Variants in FSTL5 observed in about 807,000 individuals in gnomAD.
FSTL5 encodes the protein follistatin like 5.
In FSTL5, 62 loss-of-function variants were observed where a neutral mutation model predicts 89.1. That is an observed-to-expected ratio of 0.70 (90% CI 0.57 to 0.86). The LOEUF (loss-of-function observed/expected upper bound fraction) is 0.86, where lower values mean the gene tolerates loss of function less well. Ranked by LOEUF, FSTL5 falls within the 40% of genes least tolerant of loss-of-function variation. The probability of loss-of-function intolerance (pLI) is 0.00; values close to 1 mark genes in which losing one functional copy is unlikely to be tolerated. For missense variants in FSTL5, 1,057 were observed against 1,001.6 expected (o/e 1.06, Z -0.75); for synonymous variants, 383 against 346.2 (o/e 1.11, Z -1.18).
intron 8 of FSTL5, among the ~76,000 whole-genome samples, chr4:161,581,927 C>G (rs1286041911): frequency 1.3e-5 from 2 of 152,150 alleles, no homozygotes; most frequent in Non-Finnish European, 1.5e-5. Flanking sequence ...ATCATAAGAT[C>G]TAAAGACGAT....
At chr4:161,994,953 C>G (rs1419140583) in intron 3 of FSTL5, among the ~76,000 whole-genome samples, 1 of 152,132 alleles carries the variant, frequency 6.6e-6, no homozygotes, top group East Asian at 1.9e-4. Flanking sequence ...ATTTGAAATA[C>G]TTGTCCATTC....
chr4:162,147,033 C>A (rs1477384751), intron 1 of FSTL5, among the ~76,000 whole-genome samples: 1 of 151,994 alleles, frequency 6.6e-6, no homozygotes, highest in African/African-American at 2.4e-5. Flanking sequence ...CTGCCCCCCT[C>A]GGCCTCCCAA....
chr4:161,564,430 C>T (rs1050816691), intron 8 of FSTL5, among the ~76,000 whole-genome samples: 2 of 150,816 alleles, frequency 1.3e-5, no homozygotes, highest in African/African-American at 4.9e-5. Flanking sequence ...GATGGCACTA[C>T]TATTTACCAT....
At chr4:161,415,983 A>C (rs1012145413) in intron 15 of FSTL5, among the ~76,000 whole-genome samples, 1 of 152,002 alleles carries the variant, frequency 6.6e-6, no homozygotes, top group Non-Finnish European at 1.5e-5. Flanking sequence ...CATATGGAGA[A>C]ATATTTCAGC....
At chr4:161,648,798 C>T (rs2126675878) in intron 7 of FSTL5, among the ~76,000 whole-genome samples, 1 of 152,280 alleles carries the variant, frequency 6.6e-6, no homozygotes, top group South Asian at 2.1e-4. Context: ...AGCTGTCTGT[C>T]TTATGGTATT....
intron 11 of FSTL5, among the ~76,000 whole-genome samples, chr4:161,509,366 A>T (rs1730584208): frequency 6.6e-6 from 1 of 152,144 alleles, no homozygotes; most frequent in Non-Finnish European, 1.5e-5. Flanking sequence ...TTAACGAGTG[A>T]ATTATGTACA....
At chr4:161,394,702 T>C (rs1441037080) in intron 15 of FSTL5, among the ~76,000 whole-genome samples, 1 of 152,234 alleles carries the variant, frequency 6.6e-6, no homozygotes, top group Non-Finnish European at 1.5e-5. Context: ...GAGTAATTAT[T>C]GCTTACCAGA....
chr4:162,139,108 G>A (rs1045098179), intron 1 of FSTL5, among the ~76,000 whole-genome samples: 5 of 151,716 alleles, frequency 3.3e-5, no homozygotes, highest in Admixed American at 1.3e-4. Flanking sequence ...TTTACATTCT[G>A]GGGTACATGT....
chr4:161,817,753 G>T (rs1730371813), intron 4 of FSTL5, among the ~76,000 whole-genome samples: 3 of 152,182 alleles, frequency 2.0e-5, no homozygotes, highest in Admixed American at 2.0e-4. Context: ...TGTATTTTCA[G>T]ATTAAAATAT....
intron 8 of FSTL5, among the ~76,000 whole-genome samples, chr4:161,572,691 T>TGC (rs1327957122): frequency 6.6e-6 from 1 of 152,160 alleles, no homozygotes; most frequent in African/African-American, 2.4e-5. Flanking sequence ...TAACAAGTAG[T>TGC]GCACAGACTG....
intron 1 of FSTL5, among the ~76,000 whole-genome samples, chr4:162,162,628 G>A (rs1410529189): frequency 1.3e-5 from 2 of 152,176 alleles, no homozygotes; most frequent in Non-Finnish European, 1.5e-5. Flanking sequence ...TGCTCACTAT[G>A]AGAAGTATTG....
At chr4:161,526,004 G>C (rs575008397) in intron 10 of FSTL5, among the ~76,000 whole-genome samples, 2 of 151,942 alleles carry the variant, frequency 1.3e-5, no homozygotes, top group Admixed American at 6.6e-5. Flanking sequence ...CTAGTTTTGT[G>C]GGGGTTGACT....
chr4:161,695,227 G>C (rs981099499), intron 6 of FSTL5, among the ~76,000 whole-genome samples: 5 of 151,912 alleles, frequency 3.3e-5, no homozygotes, highest in Admixed American at 6.6e-5. Context: ...TTTCCCCCGA[G>C]TCCCCAAAGT....
At chr4:161,550,732 C>G (rs933675298) in intron 8 of FSTL5, among the ~76,000 whole-genome samples, 1 of 151,952 alleles carries the variant, frequency 6.6e-6, no homozygotes, top group African/African-American at 2.4e-5. Flanking sequence ...ATCCCTCCCC[C>G]ATCCCCGCAC....
rs547731749 is a variant in FSTL5, at chr4:161,897,591, A to G, written c.409+22813T>C. 1.5e-4 allele frequency among the ~76,000 whole-genome samples: 22 copies of G among 147,978 alleles called. No individual in the cohort carries two copies. In the South Asian group the frequency reaches 2.5e-3, roughly 17 times the overall value. On this transcript the variant is annotated intron_variant, in intron 4 of 15. Coordinates refer to ENST00000306100, the MANE Select transcript of FSTL5 (RefSeq NM_020116.5). ...ACTCCGTCTCAAAAAAAAAAAAAAAAAAAGAAAAAAAATATATATATGCAG... is the reference window on the plus strand; with the variant it reads ...ACTCCGTCTCAAAAAAAAAAAAAAAGAAAGAAAAAAAATATATATATGCAG...
intron 15 of FSTL5, among the ~76,000 whole-genome samples, chr4:161,435,064 A>G (rs1732510803): frequency 6.6e-6 from 1 of 152,092 alleles, no homozygotes; most frequent in South Asian, 2.1e-4. Context: ...CAGAAATCCC[A>G]TTGCTAGGCA....
chr4:161,468,394 C>T (rs887784719), intron 13 of FSTL5, among the ~76,000 whole-genome samples: 27 of 151,930 alleles, frequency 1.8e-4, no homozygotes, highest in Non-Finnish European at 2.2e-4. Flanking sequence ...TAGGATTTGT[C>T]TTTGATAGTA....
In FSTL5 at chr4:161,482,311, G is replaced by A. The variant is rs559149180; in HGVS notation, c.1459-1142C>T. Reference sequence around the variant, plus strand: ...AGCCTGGGTGACAGAGCGAGACTCCGTCTCAAAAAAAAAAATTATGTGCAG... The same window carrying A: ...AGCCTGGGTGACAGAGCGAGACTCCATCTCAAAAAAAAAAATTATGTGCAG... On this transcript the variant is annotated intron_variant, in intron 12 of 15. Transcript: ENST00000306100. 3.4e-3 allele frequency among the ~76,000 whole-genome samples: 513 copies of A among 149,096 alleles called. 5 individuals carry two copies. Among genetic ancestry groups the A allele is most frequent in the African/African-American group, 0.012 (490 of 39,274 alleles).
intron 13 of FSTL5, among the ~76,000 whole-genome samples, chr4:161,464,784 ATTG>A (rs1265382550): frequency 6.6e-6 from 1 of 152,042 alleles, no homozygotes; most frequent in Non-Finnish European, 1.5e-5. Flanking sequence ...CATGATCATT[ATTG>A]TTATTATTTA....
Sources: gnomAD v4.1 joint callset for allele counts (sites outside exome capture counted in the v4.1 genomes callset) on GRCh38, gnomAD v4.1.1 for gene constraint, MANE v1.5 for transcripts, NCBI Gene and HGNC (gene_info 2026-07-23, HGNC 2026-07-21) for gene names.